Variants in XRCC6 observed in about 807,000 individuals in gnomAD.
The protein encoded by XRCC6 is X-ray repair cross complementing 6.
XRCC6 carries 5 observed loss-of-function variants against 65.7 expected under a neutral mutation model. The ratio of observed to expected loss-of-function variants is 0.08; its 90% CI spans 0.04 to 0.16. The LOEUF is 0.16. Ranked by LOEUF, XRCC6 falls within the 10% of genes least tolerant of loss-of-function variation. The pLI is 1.00. For synonymous variants in XRCC6, 270 were observed against 270.6 expected, an observed-to-expected ratio of 1.00 and a Z score of 0.02; for missense variants, 447 against 738.1, an observed-to-expected ratio of 0.61 and a Z score of 4.57.
chr22:41,662,129 AT>A (rs942483095), intron 12 of XRCC6, among the ~76,000 whole-genome samples: 1 of 152,176 alleles, frequency 6.6e-6, no homozygotes, highest in African/African-American at 2.4e-5. Context: ...CAAAAAAAAA[AT>A]AGAATGATTA....
intron 9 of XRCC6, among the ~76,000 whole-genome samples, chr22:41,656,185 T>G (rs2068042865): frequency 6.9e-6 from 1 of 145,394 alleles, no homozygotes; most frequent in African/African-American, 2.5e-5. Flanking sequence ...ACCACTGCAT[T>G]CCAGCCTGGG....
At chr22:41,625,124 G>C (rs111856465) in intron 2 of XRCC6, among the ~76,000 whole-genome samples, 2,054 of 152,196 alleles carry the variant, frequency 0.013, 49 homozygotes, top group African/African-American at 0.047. Flanking sequence ...TGGCCAACAT[G>C]GTGAGATCCT....
chr22:41,628,237 C>A lies in XRCC6; in HGVS notation c.195+7C>A. Reference sequence around the variant, plus strand: ...TTTTGACATGAGCATCCAGGTAAGACTACCTTTTAATTTAAGACAAATTTA... The same window carrying A: ...TTTTGACATGAGCATCCAGGTAAGAATACCTTTTAATTTAAGACAAATTTA... On this transcript the variant is annotated splice_region_variant and intron_variant, in intron 3 of 12. Coordinates refer to ENST00000360079, the MANE Select transcript of XRCC6 (RefSeq NM_001469.5). 6.2e-7 allele frequency: 1 copy of A among 1,603,794 alleles called. No individual in the cohort carries two copies. The highest frequency in any genetic ancestry group is 8.5e-7 in the Non-Finnish European group (1 of 1,173,844).
At chr22:41,652,517 A>G (rs954483873) in intron 8 of XRCC6, among the ~76,000 whole-genome samples, 1 of 152,062 alleles carries the variant, frequency 6.6e-6, no homozygotes, top group African/African-American at 2.4e-5. Context: ...GGTCCACACC[A>G]CCACGTCCAG....
At chr22:41,636,303 C>T (rs1023728338) in intron 4 of XRCC6, 52 bp downstream of exon 4, 2 of 1,545,298 alleles carry the variant, frequency 1.3e-6, no homozygotes, top group Admixed American at 2.1e-5. Context: ...AATATCAGTA[C>T]TCTGATCAAA....
Position 41,650,904 on chromosome 22 carries a change from G to T in XRCC6, c.1129+13G>T, listed in dbSNP as rs752593550. ...TCGCTGGTGATTGGTAAGTAGCGTGGACCATGGATGAGTGACTCTAACACA... is the reference window on the plus strand; with the variant it reads ...TCGCTGGTGATTGGTAAGTAGCGTGTACCATGGATGAGTGACTCTAACACA... On this transcript the variant is annotated intron_variant, in intron 8 of 12. Coordinates refer to ENST00000360079, the MANE Select transcript of XRCC6 (RefSeq NM_001469.5). 5 of 1,613,908 alleles carry T rather than the reference G, an allele frequency of 3.1e-6. No individual in the cohort carries two copies. Among genetic ancestry groups the T allele is most frequent in the Non-Finnish European group, 8.5e-7 (1 of 1,179,862 alleles).
intron 6 of XRCC6, 41 bp from the exon 7 acceptor site, chr22:41,646,855 C>A: frequency 6.6e-7 from 1 of 1,517,582 alleles, no homozygotes; most frequent in Non-Finnish European, 8.9e-7. Flanking sequence ...TAGAAAAGTG[C>A]AGTTTTTCAG....
intron 9 of XRCC6, among the ~76,000 whole-genome samples, chr22:41,655,686 G>T (rs56226135): frequency 0.016 from 2,408 of 149,416 alleles, 63 homozygotes; most frequent in African/African-American, 0.055. Flanking sequence ...GTGACAGAGC[G>T]AGACTCTGTC....
intron 2 of XRCC6, among the ~76,000 whole-genome samples, chr22:41,626,060 A>C (rs1416904132): frequency 2.0e-5 from 3 of 151,822 alleles, no homozygotes; most frequent in African/African-American, 4.8e-5. Context: ...GGATGGTCTC[A>C]ATCTCTTGAC....
rs1392032400 is a variant in XRCC6, at chr22:41,650,705, G to T, written c.961-18G>T. ...CTCGTAGCCTTCCCATTTGATCCTTGTCGTTCTTCTCCTTCAGATCTATGG... is the reference window on the plus strand; with the variant it reads ...CTCGTAGCCTTCCCATTTGATCCTTTTCGTTCTTCTCCTTCAGATCTATGG... On this transcript the variant is annotated intron_variant, in intron 7 of 12. Transcript: ENST00000360079. 6.2e-7 allele frequency: 1 copy of T among 1,609,772 alleles called. No homozygotes were observed. The highest frequency in any genetic ancestry group is 2.2e-5 in the East Asian group (1 of 44,792).
In XRCC6 at chr22:41,637,817, C is replaced by A. The variant is rs142103603; in HGVS notation, c.773+26C>A. On this transcript the variant is annotated intron_variant, in intron 6 of 12. Coordinates refer to ENST00000360079, the MANE Select transcript of XRCC6 (RefSeq NM_001469.5). ...GTGTGCACTCAGCCCGGGTCAGCTG[C>A]CTACACTGCCCTTAAATCAGAAGCA... The A allele has an allele frequency of 2.9e-3, 4,640 of 1,604,536 alleles. 14 individuals are homozygous for A. The highest frequency in any genetic ancestry group is 3.5e-3 in the Non-Finnish European group (4,102 of 1,175,622).
chr22:41,629,169 T>G (rs930764310), intron 3 of XRCC6, among the ~76,000 whole-genome samples: 2 of 152,088 alleles, frequency 1.3e-5, no homozygotes, highest in Non-Finnish European at 2.9e-5. Context: ...GTGGAGAAAT[T>G]GGCGTGATTG....
chr22:41,621,897 C>T, intron 1 of XRCC6, 93 bp from the exon 2 acceptor site: 3 of 1,280,238 alleles, frequency 2.3e-6, no homozygotes, highest in Non-Finnish European at 3.4e-6. Flanking sequence ...TCACTACTAA[C>T]CAAGCTTTTA....
intron 2 of XRCC6, among the ~76,000 whole-genome samples, chr22:41,625,176 A>T (rs1474271507): frequency 2.0e-5 from 3 of 152,074 alleles, no homozygotes; most frequent in Admixed American, 2.0e-4. Context: ...GTGGTAGCGC[A>T]TGCCTGTAAT....
chr22:41,643,568 C>A (rs1014469433), intron 6 of XRCC6, among the ~76,000 whole-genome samples: 7 of 152,164 alleles, frequency 4.6e-5, no homozygotes, highest in Admixed American at 1.3e-4. Flanking sequence ...TGCCTGTAAT[C>A]CCAGCACTTT....
intron 2 of XRCC6, among the ~76,000 whole-genome samples, chr22:41,626,625 T>A (rs1290607765): frequency 6.7e-6 from 1 of 149,934 alleles, no homozygotes; most frequent in Non-Finnish European, 1.5e-5. Flanking sequence ...TGGCTAATGT[T>A]TGTTTGTTTT....
At position 41,622,497 on chromosome 22, in the gene XRCC6, T is replaced by C. The variant is rs559536232; in HGVS notation, c.82+411T>C. 3.3e-5 allele frequency among the ~76,000 whole-genome samples: 5 copies of C among 152,242 alleles called. No homozygotes were observed. In the East Asian group the frequency reaches 5.8e-4, roughly 18 times the overall value. On this transcript the variant is annotated intron_variant, in intron 2 of 12. Coordinates refer to ENST00000360079, the MANE Select transcript of XRCC6 (RefSeq NM_001469.5). ...AAGCAACACAGTTACAGGAAAGTGA[T>C]TGATTCCCTCACTATAGCCTCCACG...
At chr22:41,625,353 C>T (rs1011245953) in intron 2 of XRCC6, among the ~76,000 whole-genome samples, 1 of 152,110 alleles carries the variant, frequency 6.6e-6, no homozygotes, top group East Asian at 1.9e-4. Flanking sequence ...AGGCCATGCA[C>T]AGTGGCTCAC....
intron 4 of XRCC6, 121 bp downstream of exon 4, chr22:41,636,372 A>G: frequency 6.7e-7 from 1 of 1,488,050 alleles, no homozygotes; most frequent in East Asian, 2.3e-5. Context: ...TTCCTCCATA[A>G]GGGGACCTTG....
Sources: gnomAD v4.1 joint callset for allele counts (sites outside exome capture counted in the v4.1 genomes callset) on GRCh38, gnomAD v4.1.1 for gene constraint, MANE v1.5 for transcripts, NCBI Gene and HGNC (gene_info 2026-07-23, HGNC 2026-07-21) for gene names.